FAM135B: variants seen among roughly 807,000 people sequenced by gnomAD.
FAM135B encodes the protein protein FAM135B.
Under a neutral mutation model 127.7 loss-of-function variants are expected in FAM135B, and 43 were observed. The observed-to-expected ratio is 0.34, with a 90% CI of 0.26 to 0.43. The LOEUF (loss-of-function observed/expected upper bound fraction) is 0.43, where lower values mean the gene tolerates loss of function less well. Ranked by LOEUF, FAM135B falls within the 20% of genes least tolerant of loss-of-function variation. The pLI is 1.00. For synonymous variants in FAM135B, 670 were observed against 665.1 expected (o/e 1.01, Z -0.11); for missense variants, 1,558 against 1,725.6 (o/e 0.90, Z 1.72).
intron 7 of FAM135B, among the ~76,000 whole-genome samples, chr8:138,204,498 G>A (rs780344518): frequency 2.6e-5 from 4 of 152,168 alleles, no homozygotes; most frequent in Non-Finnish European, 4.4e-5. Context: ...CAGAGAAAGA[G>A]TGAATGAATG....
intron 1 of FAM135B, among the ~76,000 whole-genome samples, chr8:138,398,336 T>C (rs1221386787): frequency 6.6e-6 from 1 of 152,212 alleles, no homozygotes; most frequent in African/African-American, 2.4e-5. Context: ...AGAGTGTACC[T>C]GTAGCCAAAA....
chr8:138,489,985 T>C (rs951866188), intron 1 of FAM135B, among the ~76,000 whole-genome samples: 1 of 152,228 alleles, frequency 6.6e-6, no homozygotes, highest in Non-Finnish European at 1.5e-5. Flanking sequence ...ATATTATAAC[T>C]GCTTCTCTAC....
chr8:138,473,324 TAAA>T (rs1028649612), intron 1 of FAM135B, among the ~76,000 whole-genome samples: 2 of 152,096 alleles, frequency 1.3e-5, no homozygotes, highest in Non-Finnish European at 2.9e-5. Context: ...TTCCCTTACT[TAAA>T]AATCCTTCAA....
intron 1 of FAM135B, chr8:138,439,770 C>T (rs1230525906): frequency 6.6e-6 from 1 of 152,194 alleles, no homozygotes; most frequent in Admixed American, 6.5e-5. Context: ...TGAAGAAATT[C>T]GTGCTTAGAA....
chr8:138,305,804 G>C (rs1443190816), intron 3 of FAM135B, among the ~76,000 whole-genome samples: 5 of 152,044 alleles, frequency 3.3e-5, no homozygotes, highest in African/African-American at 1.2e-4. Flanking sequence ...GAGCATGTTA[G>C]AAATAAGACA....
chr8:138,375,938 C>T (rs541623350), intron 1 of FAM135B, among the ~76,000 whole-genome samples: 1 of 152,272 alleles, frequency 6.6e-6, no homozygotes, highest in South Asian at 2.1e-4. Context: ...TCGTCACTTA[C>T]CCGGTTGTCT....
At chr8:138,474,670 TAAC>T (rs1436684529) in intron 1 of FAM135B, among the ~76,000 whole-genome samples, 3 of 152,226 alleles carry the variant, frequency 2.0e-5, no homozygotes, top group Non-Finnish European at 2.9e-5. Flanking sequence ...CCAACGACTC[TAAC>T]TAAAGCAGCA....
chr8:138,150,906 T>G (rs913601504), intron 13 of FAM135B, among the ~76,000 whole-genome samples: 1 of 152,034 alleles, frequency 6.6e-6, no homozygotes, highest in African/African-American at 2.4e-5. Flanking sequence ...ATAAAAAGCA[T>G]AAATCAATAT....
chr8:138,247,266 G>T (rs542877323), intron 6 of FAM135B, among the ~76,000 whole-genome samples: 1 of 152,320 alleles, frequency 6.6e-6, no homozygotes, highest in South Asian at 2.1e-4. Flanking sequence ...AGGGTGGAAT[G>T]ATATGGTTTG....
intron 9 of FAM135B, among the ~76,000 whole-genome samples, chr8:138,183,422 A>G (rs1447345204): frequency 6.6e-6 from 1 of 152,116 alleles, no homozygotes; most frequent in Non-Finnish European, 1.5e-5. Context: ...ACCCCTCTAC[A>G]TGCTGTGTAG....
At chr8:138,436,183 AAC>A (rs1388896251) in intron 1 of FAM135B, among the ~76,000 whole-genome samples, 1 of 152,228 alleles carries the variant, frequency 6.6e-6, no homozygotes, top group African/African-American at 2.4e-5. Flanking sequence ...GGGAAGGGCA[AAC>A]AAGCGGCTAA....
chr8:138,298,158 T>C (rs755581258), intron 3 of FAM135B, among the ~76,000 whole-genome samples: 4 of 152,166 alleles, frequency 2.6e-5, no homozygotes, highest in Non-Finnish European at 4.4e-5. Flanking sequence ...ACAGCATACA[T>C]ATGAAATATT....
intron 1 of FAM135B, among the ~76,000 whole-genome samples, chr8:138,413,301 C>T (rs750603868): frequency 2.6e-5 from 4 of 152,182 alleles, no homozygotes; most frequent in Admixed American, 6.5e-5. Context: ...CCTGTCTCAT[C>T]ACCCTTTCAT....
intron 3 of FAM135B, among the ~76,000 whole-genome samples, chr8:138,309,214 C>A (rs1826482132): frequency 6.6e-6 from 1 of 152,074 alleles, no homozygotes; most frequent in Admixed American, 6.6e-5. Flanking sequence ...TCTCTGTGGA[C>A]ATCAGGGACC....
chr8:138,276,739 C>T (rs1823854588), intron 3 of FAM135B, among the ~76,000 whole-genome samples: 1 of 152,182 alleles, frequency 6.6e-6, no homozygotes, highest in Non-Finnish European at 1.5e-5. Context: ...CACACACCCA[C>T]ACACCAGGGT....
At chr8:138,195,643 C>T (rs1816558881) in intron 8 of FAM135B, among the ~76,000 whole-genome samples, 1 of 152,048 alleles carries the variant, frequency 6.6e-6, no homozygotes, top group Non-Finnish European at 1.5e-5. Context: ...TACACACACA[C>T]ACACACACAC....
intron 2 of FAM135B, among the ~76,000 whole-genome samples, chr8:138,325,869 G>C (rs769421620): frequency 5.9e-5 from 9 of 152,112 alleles, no homozygotes; most frequent in Non-Finnish European, 1.3e-4. Context: ...TTCTGGAGTT[G>C]ATATAGAAAT....
intron 7 of FAM135B, among the ~76,000 whole-genome samples, chr8:138,226,375 A>G (rs536950850): frequency 1.3e-5 from 2 of 152,234 alleles, no homozygotes; most frequent in African/African-American, 4.8e-5. Context: ...GAATTCTGTT[A>G]CAATGTATGC....
chr8:138,341,046 A>G (rs1829012933), intron 2 of FAM135B, among the ~76,000 whole-genome samples: 1 of 152,138 alleles, frequency 6.6e-6, no homozygotes, highest in Admixed American at 6.5e-5. Flanking sequence ...AGTACTCAAG[A>G]ATTGTTTAGG....
Sources: gnomAD v4.1 joint callset for allele counts (sites outside exome capture counted in the v4.1 genomes callset) on GRCh38, gnomAD v4.1.1 for gene constraint, MANE v1.5 for transcripts, NCBI Gene and HGNC (gene_info 2026-07-23, HGNC 2026-07-21) for gene names.